Variants in CMTM1 observed in about 807,000 individuals in gnomAD.
The protein encoded by CMTM1 is CKLF like MARVEL transmembrane domain containing 1, also known as CKLF-like MARVEL transmembrane domain-containing protein 1.
In CMTM1, 16 loss-of-function variants were observed where a neutral mutation model predicts 17.8. The ratio of observed to expected loss-of-function variants is 0.90; its 90% CI spans 0.61 to 1.37. The LOEUF (loss-of-function observed/expected upper bound fraction) is 1.37, where lower values mean the gene tolerates loss of function less well. Ranked by LOEUF, CMTM1 falls within the 40% of genes most tolerant of loss-of-function variation. The probability of loss-of-function intolerance (pLI) is 0.00; values close to 1 mark genes in which losing one functional copy is unlikely to be tolerated. For synonymous variants in CMTM1, 169 were observed against 154.6 expected (o/e 1.09, Z -0.69); for missense variants, 354 against 375.6 (o/e 0.94, Z 0.47).
intron 1 of CMTM1, among the ~76,000 whole-genome samples, chr16:66,568,511 TGA>T (rs1172901671): frequency 2.0e-5 from 3 of 152,142 alleles, no homozygotes; most frequent in Non-Finnish European, 4.4e-5. Context: ...ATTTATTAAA[TGA>T]GGGGAAAAAT....
chr16:66,577,233 G>C, intron 3 of CMTM1, 31 bp downstream of exon 3: 1 of 1,571,788 alleles, frequency 6.4e-7, no homozygotes, highest in Non-Finnish European at 8.7e-7. Context: ...CTCCATTTAA[G>C]ATCAGTATTC....
intron 3 of CMTM1, 54 bp from the exon 4 acceptor site, chr16:66,578,777 G>A: frequency 6.3e-7 from 1 of 1,596,404 alleles, no homozygotes; most frequent in South Asian, 1.1e-5. Flanking sequence ...GGTTGCTACT[G>A]AGCTGCAAAA....
chr16:66,578,180 G>GCCCCCC (rs1490589030), intron 3 of CMTM1, among the ~76,000 whole-genome samples: 1 of 152,170 alleles, frequency 6.6e-6, no homozygotes, highest in African/African-American at 2.4e-5. Context: ...TCCTTCTACT[G>GCCCCCC]CCAGGGGTTC....
intron 1 of CMTM1, 36 bp from the exon 2 acceptor site, chr16:66,569,900 C>G: frequency 6.6e-7 from 1 of 1,505,542 alleles, no homozygotes; most frequent in African/African-American, 1.4e-5. Flanking sequence ...TTTTTTAAAT[C>G]ATGCATTAAA....
intron 3 of CMTM1, among the ~76,000 whole-genome samples, chr16:66,577,938 C>A (rs2014453601): frequency 3.9e-5 from 6 of 152,224 alleles, no homozygotes; most frequent in Admixed American, 3.9e-4. Flanking sequence ...AAATATCTGT[C>A]AATCCCATTG....
rs779560021 is a variant in CMTM1 at position 66,578,835 on chromosome 16, T to C, written c.695T>C (p.Leu232Pro). ...RRHLLYVGGS[L>P]CLTAVIVCCI... Reference sequence around the variant, plus strand: ...ATATGGTCTTGTATCTGACAGTCCCTGTGTCTCACAGCGGTAATCGTGTGT... The same window carrying C: ...ATATGGTCTTGTATCTGACAGTCCCCGTGTCTCACAGCGGTAATCGTGTGT... Residue 232 changes from leucine to proline, a missense_variant, in exon 4 of 4, where the codon CTG (leucine) becomes CCG (proline). Coordinates refer to ENST00000379500, the MANE Select transcript of CMTM1 (RefSeq NM_052999.4). The C allele has an allele frequency of 5.0e-6, 8 of 1,614,068 alleles. No homozygotes were observed. Among genetic ancestry groups the C allele is most frequent in the South Asian group, 1.1e-5 (1 of 91,080 alleles).
chr16:66,575,042 T>G (rs931954060), intron 2 of CMTM1: 1 of 985,454 alleles, frequency 1.0e-6, no homozygotes, highest in African/African-American at 1.7e-5. Flanking sequence ...AGCTGGGACT[T>G]ACTTCCAACC....
chr16:66,572,901 G>A (rs1215916500), intron 2 of CMTM1, among the ~76,000 whole-genome samples: 1 of 152,170 alleles, frequency 6.6e-6, no homozygotes, highest in African/African-American at 2.4e-5. Flanking sequence ...GATACATCAG[G>A]GCTTGGACTC....
chr16:66,567,037 C>A, intron 1 of CMTM1, 92 bp downstream of exon 1: 1 of 1,341,940 alleles, frequency 7.5e-7, no homozygotes, highest in Non-Finnish European at 1.1e-6. Flanking sequence ...CAGAAACCTT[C>A]CATAATTCAC....
intron 1 of CMTM1, among the ~76,000 whole-genome samples, chr16:66,569,674 T>G (rs1175891672): frequency 1.3e-5 from 2 of 152,238 alleles, no homozygotes; most frequent in Non-Finnish European, 2.9e-5. Flanking sequence ...AAATATAAAC[T>G]GTTAATAGTG....
At chr16:66,577,643 A>T (rs1274090989) in intron 3 of CMTM1, among the ~76,000 whole-genome samples, 2 of 152,178 alleles carry the variant, frequency 1.3e-5, no homozygotes, top group African/African-American at 4.8e-5. Flanking sequence ...GAAGGAAGGA[A>T]ACTGCCACAT....
intron 3 of CMTM1, 124 bp from the exon 4 acceptor site, chr16:66,578,707 G>A: frequency 7.9e-7 from 1 of 1,271,370 alleles, no homozygotes; most frequent in South Asian, 1.5e-5. Context: ...AAGTAGTGAA[G>A]GGTCAGAGGG....
At chr16:66,569,699 G>C (rs1241918991) in intron 1 of CMTM1, among the ~76,000 whole-genome samples, 1 of 152,174 alleles carries the variant, frequency 6.6e-6, no homozygotes, top group Non-Finnish European at 1.5e-5. Context: ...CTTTTAAGGA[G>C]AGAGACTAAG....
In CMTM1 at chr16:66,566,916, C is replaced by G; in HGVS notation, c.403C>G (p.Pro135Ala). ...CAGCCTCAAACGTTTCTCCTTCTCG[C>G]CCACTGGAATGTTGAAGATCCTGAG... is the stretch of plus-strand genomic sequence containing the variant. ...RDSLKRFSFS[P>A]TGMLKILRLS... Residue 135 changes from proline (P) to alanine (A), a missense_variant, in exon 1 of 4, where the codon CCC becomes GCC. Transcript: ENST00000379500. The surrounding 1 kb of genome is among the most constrained non-coding windows in gnomAD (Gnocchi z 4.9). 1 of 1,614,168 alleles carries G rather than the reference C, an allele frequency of 6.2e-7. No individual in the cohort carries two copies. The highest frequency in any genetic ancestry group is 8.5e-7 in the Non-Finnish European group (1 of 1,180,036).
intron 3 of CMTM1, 73 bp downstream of exon 3, chr16:66,577,275 C>CATTATATCA: frequency 8.1e-7 from 1 of 1,238,990 alleles, no homozygotes; most frequent in Non-Finnish European, 1.2e-6. Context: ...TGGCAGACCC[C>CATTATATCA]ATTATATCAT....
In CMTM1 at chr16:66,567,221, A is replaced by C. The variant is rs890459564; in HGVS notation, c.432+276A>C. On this transcript the variant is annotated intron_variant, in intron 1 of 3. Transcript: ENST00000379500. ...TGTGTAGAACGTGCAGTTTTGTTAC[A>C]TAGGTATATACGCGCCATGGTGGTT... is the stretch of plus-strand genomic sequence containing the variant. The C allele has an allele frequency of 7.6e-6, 4 of 525,628 alleles. No individual in the cohort carries two copies. The South Asian group carries it at 8.4e-5, about 11-fold the overall frequency. The allele number at this position is 525,628 out of a possible 1,614,324, so 32.6% of individuals were successfully genotyped here.
At chr16:66,575,243 C>A in intron 2 of CMTM1, 1 of 983,314 alleles carries the variant, frequency 1.0e-6, no homozygotes, top group Non-Finnish European at 1.2e-6. Context: ...CAGATATGAA[C>A]CTACATTTTG....
chr16:66,574,360 G>A (rs751875495), intron 2 of CMTM1, among the ~76,000 whole-genome samples: 4 of 152,194 alleles, frequency 2.6e-5, no homozygotes, highest in Admixed American at 6.5e-5. Flanking sequence ...AAAGGGAGGA[G>A]GTTAGCAGGA....
At chr16:66,567,998 A>G (rs996555575) in intron 1 of CMTM1, among the ~76,000 whole-genome samples, 1 of 152,246 alleles carries the variant, frequency 6.6e-6, no homozygotes, top group Non-Finnish European at 1.5e-5. Context: ...CCTTTTTACA[A>G]GTTAACTCTT....
Sources: allele counts gnomAD v4.1 joint callset (sites outside exome capture counted in the v4.1 genomes callset), GRCh38; gene constraint gnomAD v4.1.1; non-coding constraint Gnocchi (gnomAD v3.1); transcripts MANE v1.5; gene names NCBI Gene and HGNC (gene_info 2026-07-23, HGNC 2026-07-21).